Variants in NAV1 observed in about 807,000 individuals in gnomAD.
NAV1 encodes neuron navigator 1.
A neutral mutation model predicts 175.2 loss-of-function variants in NAV1; 18 were observed. That is an observed-to-expected ratio of 0.10 (90% CI 0.07 to 0.15). NAV1 has a LOEUF of 0.15. NAV1 is among the 10% of genes least tolerant of loss of function. NAV1 has a pLI of 1.00. For synonymous variants in NAV1, 897 were observed against 978.7 expected (o/e 0.92, Z 1.56); for missense variants, 1,731 against 2,436.6 (o/e 0.71, Z 6.10).
chr1:201,736,383 C>G (rs1253720330), intron 3 of NAV1, among the ~76,000 whole-genome samples: 1 of 152,208 alleles, frequency 6.6e-6, no homozygotes, highest in African/African-American at 2.4e-5. Context: ...AACTGCTTCT[C>G]AAGTCTTTCC....
chr1:201,733,999 A>G (rs985046378), intron 3 of NAV1, among the ~76,000 whole-genome samples: 2 of 152,198 alleles, frequency 1.3e-5, no homozygotes, highest in African/African-American at 4.8e-5. Flanking sequence ...CCACAGGGAC[A>G]CCAGGGGAAC....
At chr1:201,786,436 C>T (rs375435360) in exon 9 of NAV1, 6 of 1,612,390 alleles carry the variant, frequency 3.7e-6, no homozygotes, top group Non-Finnish European at 4.2e-6. Context: ...CAGGTACCAG[C>T]TTCAGTCCCA....
At chr1:201,645,737 T>G (rs1242114453), upstream of NAV1, among the ~76,000 whole-genome samples, 4 of 151,824 alleles carry the variant, frequency 2.6e-5, no homozygotes, top group African/African-American at 4.8e-5. Context: ...CCAGTGAATT[T>G]CCCTTTGTCT....
intron 2 of NAV1, among the ~76,000 whole-genome samples, chr1:201,593,340 T>G (rs532338014): frequency 4.3e-4 from 66 of 152,256 alleles, no homozygotes; most frequent in African/African-American, 1.6e-3. Context: ...CAGAGACAAC[T>G]TCCTCTCCCA....
intron 2 of NAV1, among the ~76,000 whole-genome samples, chr1:201,598,053 G>A (rs1446917914): frequency 6.6e-6 from 1 of 152,188 alleles, no homozygotes; most frequent in African/African-American, 2.4e-5. Context: ...CAGGCGCCAG[G>A]TGGCCAAAGC....
At chr1:201,756,838 TTCTTTCTTTCTTTCTTTCTTTCTTTC>T (rs1674520753) in intron 3 of NAV1, among the ~76,000 whole-genome samples, 2 of 115,856 alleles carry the variant, frequency 1.7e-5, no homozygotes, top group African/African-American at 5.8e-5. Context: ...CTTTCTTTCT[TTCTTTCTTTCTTTCTTTCTTTCTTTC>T]TTTCTTTCTT....
chr1:201,794,181 C>T (rs1441644519), intron 14 of NAV1: 5 of 640,884 alleles, frequency 7.8e-6, no homozygotes, highest in African/African-American at 5.4e-5. Context: ...GATGGAGTTT[C>T]GTTCTTGTCA....
rs2102485266 is a variant in NAV1, at chr1:201,718,634, A to G, written c.1105A>G (p.Ile369Val). Reference sequence around the variant, plus strand: ...GCGCAGCCCCAGCAAGCTCAGCCATATCTCCCGCCTGGAGCTGGTCGAATC... The same window carrying G: ...GCGCAGCCCCAGCAAGCTCAGCCATGTCTCCCGCCTGGAGCTGGTCGAATC... The change falls in exon 3 of 30, where the codon ATC becomes GTC. Residue 369 changes from isoleucine (I) to valine (V), a missense_variant. Around this residue, in one of 13 missense-constraint regions of NAV1, gnomAD observed 487 missense variants for 581.3 expected, o/e 0.84. Transcript: ENST00000367296. This position sits in a 1 kb window ranked among gnomAD's most constrained non-coding sequence, Gnocchi z 4.8. The G allele has an allele frequency of 1.2e-6, 2 of 1,614,154 alleles. No homozygotes were observed. Among genetic ancestry groups the G allele is most frequent in the Non-Finnish European group, 1.7e-6 (2 of 1,180,028 alleles).
In NAV1 at chr1:201,718,782, G is replaced by T. The variant is rs375805913; in HGVS notation, c.1226+27G>T. 4 of 1,573,866 alleles carry T rather than the reference G, an allele frequency of 2.5e-6. No homozygotes were observed. Among genetic ancestry groups the T allele is most frequent in the Admixed American group, 1.7e-5 (1 of 57,840 alleles). On this transcript the variant is annotated intron_variant, in intron 3 of 29. Coordinates refer to ENST00000367296, the Ensembl canonical transcript of NAV1. This position sits in a 1 kb window ranked among gnomAD's most constrained non-coding sequence, Gnocchi z 4.8. ...TAAGCGCAGGGGCTTCTTGGATGGC[G>T]GGGGAGGATGGTGGAAAGACCACTG... is the stretch of plus-strand genomic sequence containing the variant.
At position 201,806,069 on chromosome 1, in the gene NAV1, C is replaced by T. The variant is rs180758221; in HGVS notation, c.3648+1572C>T. Among the ~76,000 whole-genome samples the T allele has an allele frequency of 1.3e-4, 19 of 151,242 alleles. No homozygotes were observed. The East Asian group carries it at 3.1e-3, about 25-fold the overall frequency. On this transcript the variant is annotated intron_variant, in intron 17 of 29. Coordinates refer to ENST00000367296, the Ensembl canonical transcript of NAV1. ...ACGCGATCTTGGCTCACTGTAACCT[C>T]GGCCTCGCGGGTTCAAGCAATTCTC...
intron 2 of NAV1, among the ~76,000 whole-genome samples, chr1:201,641,464 G>A (rs1472359559): frequency 6.6e-6 from 1 of 152,102 alleles, no homozygotes; most frequent in African/African-American, 2.4e-5. Context: ...GTAAAGCTTT[G>A]GGTTGCTTAA....
chr1:201,740,004 G>A lies in NAV1; in HGVS notation c.1226+21249G>A, dbSNP rs371414849. On this transcript the variant is annotated intron_variant, in intron 3 of 29. Coordinates refer to ENST00000367296, the Ensembl canonical transcript of NAV1. The surrounding 1 kb of genome is among the most constrained non-coding windows in gnomAD (Gnocchi z 4.7). ...GGCGCTGGGTGCCCACCCGGTGAAT[G>A]GCCGCCTGAGCCGGGGAAGATGCTT... 5.5e-6 allele frequency: 8 copies of A among 1,465,830 alleles called. No homozygotes were observed. The East Asian group carries it at 8.5e-5, about 16-fold the overall frequency. The allele number at this position is 1,465,830 out of a possible 1,614,324, so 90.8% of individuals were successfully genotyped here.
intron 29 of NAV1, 28 bp from the exon 34 acceptor site, chr1:201,819,809 A>C: frequency 1.2e-6 from 2 of 1,606,832 alleles, no homozygotes; most frequent in Non-Finnish European, 1.7e-6. Context: ...CCCAACTCTC[A>C]TAAATCCATC....
chr1:201,648,654 C>A, exon 1 of NAV1: 1 of 1,377,102 alleles, frequency 7.3e-7, no homozygotes, highest in Non-Finnish European at 9.3e-7. Flanking sequence ...CGTCCATGCG[C>A]TCCTCGCGGG....
intron 2 of NAV1, among the ~76,000 whole-genome samples, chr1:201,593,413 C>T (rs1389075226): frequency 2.0e-5 from 3 of 152,214 alleles, no homozygotes; most frequent in African/African-American, 4.8e-5. Context: ...CCCTGGAAAC[C>T]TGGGACTCTC....
At chr1:201,730,519 G>C (rs983322719) in intron 3 of NAV1, among the ~76,000 whole-genome samples, 1 of 152,094 alleles carries the variant, frequency 6.6e-6, no homozygotes. Flanking sequence ...CACTGGAGTA[G>C]GAGTTTCCCA....
intron 22 of NAV1, 86 bp downstream of exon 26, chr1:201,809,623 A>T: frequency 7.7e-7 from 1 of 1,305,464 alleles, no homozygotes; most frequent in East Asian, 2.5e-5. Flanking sequence ...CACTCTTGCC[A>T]CCCAGGCTGG....
At position 201,810,612 on chromosome 1, in the gene NAV1, C is replaced by T; in HGVS notation, c.4651C>T (p.His1551Tyr). The stretch of plus-strand genomic sequence containing the variant: ...GCACTACATAAGCCTCCTGCTGAAG[C>T]ACCGGCGCCTCGTCCTCTCGGGCCC... Residue 1551 changes from histidine to tyrosine, a missense_variant, in exon 24 of 30, where the codon CAC becomes TAC. His to Tyr is a moderately conservative substitution (Grantham distance 83, BLOSUM62 2). Around this residue, in one of 13 missense-constraint regions of NAV1, gnomAD observed 115 missense variants for 269.4 expected, o/e 0.43. Coordinates refer to ENST00000367296, the Ensembl canonical transcript of NAV1. The surrounding 1 kb of genome is among the most constrained non-coding windows in gnomAD (Gnocchi z 6.0). 1.2e-6 allele frequency: 2 copies of T among 1,614,144 alleles called. No homozygotes were observed. The highest frequency in any genetic ancestry group is 1.7e-6 in the Non-Finnish European group (2 of 1,180,014).
At chr1:201,816,032 G>T (rs377726015) in intron 28 of NAV1, among the ~76,000 whole-genome samples, 8 of 151,566 alleles carry the variant, frequency 5.3e-5, no homozygotes, top group African/African-American at 1.9e-4. Flanking sequence ...GCCATCGCAC[G>T]CAGCTGAGAA....
Sources: allele counts gnomAD v4.1 joint callset (sites outside exome capture counted in the v4.1 genomes callset), GRCh38; gene constraint gnomAD v4.1.1; regional missense constraint gnomAD v4.1.1; non-coding constraint Gnocchi (gnomAD v3.1); transcripts MANE v1.5; gene names NCBI Gene and HGNC (gene_info 2026-07-23, HGNC 2026-07-21).